Variants in PAK1IP1 observed in about 807,000 individuals in gnomAD.
The protein encoded by PAK1IP1 is p21-activated protein kinase-interacting protein 1.
PAK1IP1 carries 24 observed loss-of-function variants against 42.0 expected under a neutral mutation model. That is an observed-to-expected ratio of 0.57 (90% CI 0.41 to 0.80). The LOEUF is 0.80. Among genes scored for constraint, PAK1IP1 ranks in the 30% least tolerant of loss-of-function variants. PAK1IP1 has a pLI of 0.00. For missense variants in PAK1IP1, 411 were observed against 467.9 expected (o/e 0.88, Z 1.12); for synonymous variants, 154 against 156.7 (o/e 0.98, Z 0.13).
Position 10,703,265 on chromosome 6 carries a change from A to G in PAK1IP1, c.444-140A>G, listed in dbSNP as rs57605142. On this transcript the variant is annotated intron_variant, in intron 4 of 9. Transcript: ENST00000379568. ...ATCCTGCCTCATAATATTTCAAAATATTGCTGTAAGGAAGATAGCAGGTCT... is the reference window on the plus strand; with the variant it reads ...ATCCTGCCTCATAATATTTCAAAATGTTGCTGTAAGGAAGATAGCAGGTCT... 1,197 of 614,982 alleles carry G rather than the reference A, an allele frequency of 1.9e-3. 11 individuals carry two copies. In the African/African-American group the frequency reaches 0.02, roughly 10 times the overall value. 38.1% of individuals were successfully genotyped at this position (614,982 alleles called of 1,614,324 possible). A position where few individuals can be genotyped will look rare whatever the true frequency, so the allele number is the denominator to read the frequency against.
chr6:10,699,139 T>A (rs1357211590), intron 2 of PAK1IP1, among the ~76,000 whole-genome samples: 5 of 140,034 alleles, frequency 3.6e-5, no homozygotes, highest in Non-Finnish European at 7.5e-5. Context: ...AGGCAGAGTG[T>A]GCAGTGAGCT....
chr6:10,708,008 GA>G (rs1265122266), intron 8 of PAK1IP1, among the ~76,000 whole-genome samples: 2 of 149,462 alleles, frequency 1.3e-5, no homozygotes, highest in African/African-American at 2.5e-5. Context: ...TTCAGCCCTG[GA>G]AATAAGACCT....
Position 10,707,454 on chromosome 6 carries a change from T to C in PAK1IP1, c.780T>C (p.His260=), listed in dbSNP as rs1197463076. The C allele has an allele frequency of 6.2e-7, 1 of 1,611,382 alleles. No individual in the cohort carries two copies. The highest frequency in any genetic ancestry group is 1.3e-5 in the African/African-American group (1 of 74,892). The part of the protein sequence containing the change: ...DMFSFEIPEH[H]VIVSASSDGF... ...TCAGTTTTGAAATTCCAGAGCATCA[T>C]GTTATTGTTTCAGCATCGAGTGATG... The change falls in exon 8 of 10, where the codon CAT becomes CAC. Residue 260 remains histidine, a synonymous_variant. Coordinates refer to ENST00000379568, the MANE Select transcript of PAK1IP1 (RefSeq NM_017906.3).
chr6:10,707,457 T>C lies in PAK1IP1; in HGVS notation c.783T>C (p.Val261=), dbSNP rs1483366705. The C allele has an allele frequency of 6.2e-7, 1 of 1,611,790 alleles. No individual in the cohort carries two copies. The highest frequency in any genetic ancestry group is 8.5e-7 in the Non-Finnish European group (1 of 1,177,982). The change falls in exon 8 of 10, where the codon GTT becomes GTC. Residue 261 remains valine, a synonymous_variant. Coordinates refer to ENST00000379568, the MANE Select transcript of PAK1IP1 (RefSeq NM_017906.3). ...GTTTTGAAATTCCAGAGCATCATGTTATTGTTTCAGCATCGAGTGATGGTT... is the reference window on the plus strand; with the variant it reads ...GTTTTGAAATTCCAGAGCATCATGTCATTGTTTCAGCATCGAGTGATGGTT... The part of the protein sequence containing the change: ...MFSFEIPEHH[V]IVSASSDGFI...
Position 10,708,275 on chromosome 6 carries a change from T to C in PAK1IP1, c.841-678T>C, listed in dbSNP as rs1009496514. On this transcript the variant is annotated intron_variant, in intron 8 of 9. Coordinates refer to ENST00000379568, the MANE Select transcript of PAK1IP1 (RefSeq NM_017906.3). Reference sequence around the variant, plus strand: ...TTGCCTATTCTGGACATTTCATATATGGAATCACACAACGTTTGGCCTTTT... The same window carrying C: ...TTGCCTATTCTGGACATTTCATATACGGAATCACACAACGTTTGGCCTTTT... Among the ~76,000 whole-genome samples, 6 of 150,996 alleles carry C rather than the reference T, an allele frequency of 4.0e-5. 1 individual carries two copies. The highest frequency in any genetic ancestry group is 2.6e-4 in the Admixed American group (4 of 15,210).
rs151196059 is a variant in PAK1IP1 at position 10,701,546 on chromosome 6, C to T, written c.248-823C>T. 5.9e-4 allele frequency among the ~76,000 whole-genome samples: 90 copies of T among 152,178 alleles called. 1 individual carries two copies. Among genetic ancestry groups the T allele is most frequent in the African/African-American group, 2.0e-3 (85 of 41,496 alleles). On this transcript the variant is annotated intron_variant, in intron 2 of 9. Coordinates refer to ENST00000379568, the MANE Select transcript of PAK1IP1 (RefSeq NM_017906.3). The stretch of plus-strand genomic sequence containing the variant: ...TTTCTAGGGAAGCAAATGTGGGAAA[C>T]CAAACTTTCCAAAGTGAGAAATAGG...
chr6:10,702,421 G>A lies in PAK1IP1; in HGVS notation c.300G>A (p.Ala100=), dbSNP rs145864715. ...GCAACAGGCATTTAATCAGTGGAGC[G>A]GAAGATGGACTCATCTGTATCTGGG... ...FYGNRHLISG[A]EDGLICIWDA... is the part of the protein sequence containing the mutation. The change falls in exon 3 of 10, where the codon GCG becomes GCA. Residue 100 remains alanine (A), a synonymous_variant. Coordinates refer to ENST00000379568, the MANE Select transcript of PAK1IP1 (RefSeq NM_017906.3). 2.7e-5 allele frequency: 44 copies of A among 1,613,616 alleles called. No individual in the cohort carries two copies. Among genetic ancestry groups the A allele is most frequent in the East Asian group, 8.9e-5 (4 of 44,880 alleles).
intron 9 of PAK1IP1, 31 bp from the exon 10 acceptor site, chr6:10,709,205 CTT>C: frequency 6.4e-7 from 1 of 1,566,818 alleles, no homozygotes; most frequent in Non-Finnish European, 8.7e-7. Flanking sequence ...GGAAAACAGT[CTT>C]TTTTTAAAAG....
Position 10,702,489 on chromosome 6 carries a change from A to G in PAK1IP1, c.368A>G (p.Lys123Arg), listed in dbSNP as rs1770058898. 3.1e-6 allele frequency: 5 copies of G among 1,613,978 alleles called. No individual in the cohort carries two copies. Among genetic ancestry groups the G allele is most frequent in the East Asian group, 2.2e-5 (1 of 44,884 alleles). The change falls in exon 3 of 10, where the codon AAA (lysine) becomes AGA (arginine). Residue 123 changes from lysine to arginine, a missense_variant and splice_region_variant. Coordinates refer to ENST00000379568, the MANE Select transcript of PAK1IP1 (RefSeq NM_017906.3). ...TGCCTGAAGTCAATTAAAGCTCACA[A>G]GTGAGTCGGGCTCTTTCCCTTTGGC... ...WECLKSIKAHKGQVTFLSIHP... is the reference protein window; with the variant it reads ...WECLKSIKAHRGQVTFLSIHP...
intron 1 of PAK1IP1, among the ~76,000 whole-genome samples, chr6:10,695,661 A>T (rs905535997): frequency 4.6e-5 from 7 of 152,220 alleles, no homozygotes; most frequent in Admixed American, 1.3e-4. Context: ...GTGAATAGAT[A>T]AAAAGGTCAA....
chr6:10,708,106 A>G (rs1770261065), intron 8 of PAK1IP1, among the ~76,000 whole-genome samples: 1 of 147,540 alleles, frequency 6.8e-6, no homozygotes, highest in African/African-American at 2.5e-5. Flanking sequence ...ATGGAGTTGT[A>G]CAATCATAAT....
intron 2 of PAK1IP1, among the ~76,000 whole-genome samples, chr6:10,701,200 C>T (rs1770017500): frequency 6.6e-6 from 1 of 152,216 alleles, no homozygotes; most frequent in Admixed American, 6.5e-5. Flanking sequence ...CCTCAGCCTC[C>T]TGAGTAGCTG....
intron 5 of PAK1IP1, among the ~76,000 whole-genome samples, chr6:10,703,878 A>G (rs1360033490): frequency 2.0e-5 from 3 of 152,192 alleles, no homozygotes; most frequent in Non-Finnish European, 4.4e-5. Context: ...TATGTTACAC[A>G]TTTATTTCCC....
intron 1 of PAK1IP1, among the ~76,000 whole-genome samples, chr6:10,696,878 G>C (rs1344483634): frequency 6.6e-6 from 1 of 152,134 alleles, no homozygotes; most frequent in African/African-American, 2.4e-5. Context: ...CAACTGCTTG[G>C]AATAGTGCCA....
upstream of PAK1IP1, chr6:10,694,962 CG>C: frequency 6.7e-7 from 1 of 1,500,488 alleles, no homozygotes; most frequent in Non-Finnish European, 9.0e-7. Context: ...GCCGGGCTGG[CG>C]GAAGAGGCAC....
At position 10,709,054 on chromosome 6, in the gene PAK1IP1, T is replaced by C; in HGVS notation, c.942T>C (p.Pro314=). The change falls in exon 9 of 10, where the codon CCT becomes CCC. Residue 314 remains proline, a synonymous_variant. Coordinates refer to ENST00000379568, the MANE Select transcript of PAK1IP1 (RefSeq NM_017906.3). Reference sequence around the variant, plus strand: ...TGGCAGACATGAAAGAAAGCCTTCCTCCAGCTGCAGAGCCTTCTCCTGGTA... The same window carrying C: ...TGGCAGACATGAAAGAAAGCCTTCCCCCAGCTGCAGAGCCTTCTCCTGGTA... ...DKVADMKESL[P]PAAEPSPVSK... 1 of 1,613,640 alleles carries C rather than the reference T, an allele frequency of 6.2e-7. No individual in the cohort carries two copies. The highest frequency in any genetic ancestry group is 8.5e-7 in the Non-Finnish European group (1 of 1,179,638).
intron 8 of PAK1IP1, 24 bp from the exon 9 acceptor site, chr6:10,708,929 T>G: frequency 6.4e-7 from 1 of 1,570,588 alleles, no homozygotes; most frequent in Non-Finnish European, 8.6e-7. Flanking sequence ...ATGCACATTA[T>G]GAATGTTTGT....
chr6:10,706,627 G>A lies in PAK1IP1; in HGVS notation c.741-788G>A, dbSNP rs56750891. 3.5e-4 allele frequency among the ~76,000 whole-genome samples: 54 copies of A among 152,266 alleles called. 1 individual carries two copies. The highest frequency in any genetic ancestry group is 1.2e-3 in the African/African-American group (49 of 41,550). On this transcript the variant is annotated intron_variant, in intron 7 of 9. Coordinates refer to ENST00000379568, the MANE Select transcript of PAK1IP1 (RefSeq NM_017906.3). ...TGGCCAGGTGCAGTGGCTCATGCCTGTAATCCTGGCACTTTGGGAGGCTGA... is the reference window on the plus strand; with the variant it reads ...TGGCCAGGTGCAGTGGCTCATGCCTATAATCCTGGCACTTTGGGAGGCTGA...
rs144075522 is a variant in PAK1IP1, at chr6:10,708,202, C to G, written c.840+688C>G. Among the ~76,000 whole-genome samples the G allele has an allele frequency of 4.4e-3, 645 of 147,942 alleles. 3 individuals carry two copies. Among genetic ancestry groups the G allele is most frequent in the African/African-American group, 0.015 (603 of 40,464 alleles). On this transcript the variant is annotated intron_variant, in intron 8 of 9. Transcript: ENST00000379568. ...CACCCCCCATCCTCTCCTTTCCCCC[C>G]ACTGCCAGTCCCTGGTAACTAGTAA...
Sources: allele counts gnomAD v4.1 joint callset (sites outside exome capture counted in the v4.1 genomes callset), GRCh38; gene constraint gnomAD v4.1.1; transcripts MANE v1.5; gene names NCBI Gene and HGNC (gene_info 2026-07-23, HGNC 2026-07-21).